Variants in CARD16 observed in about 807,000 individuals in gnomAD.
CARD16 encodes the protein caspase recruitment domain family member 16.
In CARD16, 8 loss-of-function variants were observed where a neutral mutation model predicts 11.9. That is an observed-to-expected ratio of 0.67 (90% CI 0.39 to 1.21). The LOEUF (loss-of-function observed/expected upper bound fraction) is 1.21. CARD16 is among the 50% of genes most tolerant of loss of function. The pLI, the probability that CARD16 is intolerant of heterozygous loss-of-function variation, is 0.01. For synonymous variants in CARD16, 44 were observed against 43.8 expected (o/e 1.00, Z -0.02); for missense variants, 131 against 118.1 (o/e 1.11, Z -0.51).
At chr11:105,042,815 A>G (rs1005566284) in intron 3 of CARD16, among the ~76,000 whole-genome samples, 1 of 152,214 alleles carries the variant, frequency 6.6e-6, no homozygotes, top group Admixed American at 6.5e-5. Context: ...CATTTAAGAA[A>G]ACATTCATGA....
intron 3 of CARD16, 41 bp from the exon 4 acceptor site, chr11:105,041,760 TTTG>T: frequency 6.3e-7 from 1 of 1,578,396 alleles, no homozygotes. Flanking sequence ...GGTATCCCTC[TTTG>T]TTCTTATAGC....
chr11:105,044,351 C>G (rs757750666), intron 2 of CARD16, 41 bp downstream of exon 2: 18 of 1,611,664 alleles, frequency 1.1e-5, no homozygotes, highest in Admixed American at 1.7e-5. Context: ...GGCACGAAGA[C>G]AGGCCCTAGG....
chr11:105,044,587 C>A lies in CARD16; in HGVS notation c.79G>T (p.Asp27Tyr). The A allele has an allele frequency of 6.2e-7, 1 of 1,614,154 alleles. No homozygotes were observed. Among genetic ancestry groups the A allele is most frequent in the Non-Finnish European group, 8.5e-7 (1 of 1,179,986 alleles). ...AGCACCCTTGTCTGTAATAATTCAT[C>A]CAGTAAGCCATTTATTGTACCTTCA... ...MGEGTINGLL[D>Y]ELLQTRVLNQ... The change falls in exon 2 of 4, where the codon GAT becomes TAT. Residue 27 changes from aspartate (D) to tyrosine (Y), a missense_variant. Asp to Tyr is a radical substitution (Grantham distance 160). Coordinates refer to ENST00000673097, the MANE Select transcript of CARD16 (RefSeq NM_052889.4).
intron 2 of CARD16, 140 bp downstream of exon 2, chr11:105,044,252 T>C: frequency 7.3e-7 from 1 of 1,369,768 alleles, no homozygotes; most frequent in Non-Finnish European, 1.0e-6. Flanking sequence ...GGACATGCAA[T>C]AGGGCCTCTG....
chr11:105,044,708 C>G, intron 1 of CARD16, 50 bp from the exon 2 acceptor site: 1 of 1,590,882 alleles, frequency 6.3e-7, no homozygotes, highest in Non-Finnish European at 8.6e-7. Context: ...CCTCATATTC[C>G]TCTCACGTCA....
At position 105,044,517 on chromosome 11, in the gene CARD16, A is replaced by G. The variant is rs201107738; in HGVS notation, c.149T>C (p.Val50Ala). 1.4e-5 allele frequency: 22 copies of G among 1,613,970 alleles called. No homozygotes were observed. Among genetic ancestry groups the G allele is most frequent in the Non-Finnish European group, 2.5e-6 (3 of 1,179,972 alleles). Residue 50 changes from valine to alanine, a missense_variant, in exon 2 of 4, where the codon GTT (valine) becomes GCT (alanine). Val to Ala is a moderately conservative substitution (Grantham distance 64). Transcript: ENST00000673097. The stretch of plus-strand genomic sequence containing the variant: ...AATCAAAGCTCGGGTCTTATCCATA[A>G]CTGTAGCATTTTCACGTTTTACTTT... The part of the protein sequence containing the change: ...MEKVKRENAT[V>A]MDKTRALIDS...
intron 1 of CARD16, 22 bp downstream of exon 1, chr11:105,045,269 C>A (rs1565233753): frequency 6.2e-7 from 1 of 1,613,946 alleles, no homozygotes; most frequent in Non-Finnish European, 8.5e-7. Flanking sequence ...GGGACCTGTT[C>A]TTGGAACAGT....
intron 2 of CARD16, 103 bp from the exon 3 acceptor site, chr11:105,043,648 G>A: frequency 1.3e-6 from 1 of 771,616 alleles, no homozygotes; most frequent in Non-Finnish European, 2.3e-6. Flanking sequence ...CCACAACCCT[G>A]ACTAAATGAC....
At position 105,043,553 on chromosome 11, in the gene CARD16, A is replaced by C. The variant is rs747517423; in HGVS notation, c.275-8T>G. 6.3e-7 allele frequency: 1 copy of C among 1,599,928 alleles called. No homozygotes were observed. The highest frequency in any genetic ancestry group is 1.1e-5 in the South Asian group (1 of 90,452). ...AATTTCCAGGTATCGGACCTATAAA[A>C]AGATGAAGAACATTGAAATAGCCAC... On this transcript the variant is annotated splice_polypyrimidine_tract_variant and splice_region_variant and intron_variant, in intron 2 of 3. Transcript: ENST00000673097.
chr11:105,043,352 A>G, intron 3 of CARD16, 131 bp downstream of exon 3: 1 of 509,010 alleles, frequency 2.0e-6, no homozygotes, highest in Non-Finnish European at 3.3e-6. Flanking sequence ...AACAGAATAG[A>G]TTAAAAAAGA....
At chr11:105,043,767 G>A in intron 2 of CARD16, 1 of 461,498 alleles carries the variant, frequency 2.2e-6, no homozygotes. Flanking sequence ...CAGGCCCTAG[G>A]AGGGCTGCAG....
intron 1 of CARD16, 77 bp from the exon 2 acceptor site, chr11:105,044,735 T>C (rs111607496): frequency 2.4e-5 from 37 of 1,565,036 alleles, no homozygotes; most frequent in Middle Eastern, 3.4e-4. Context: ...GAAAGTGACC[T>C]CATTTAGATT....
At chr11:105,045,208 C>T (rs926752440) in intron 1 of CARD16, 83 bp downstream of exon 1, 2 of 1,590,764 alleles carry the variant, frequency 1.3e-6, no homozygotes, top group African/African-American at 1.3e-5. Context: ...TCCACAGATA[C>T]TAATTATGGC....
intron 2 of CARD16, 52 bp from the exon 3 acceptor site, chr11:105,043,597 T>C (rs776805464): frequency 7.9e-7 from 1 of 1,266,552 alleles, no homozygotes; most frequent in Non-Finnish European, 1.2e-6. Context: ...TCTGGAAAAC[T>C]TTACAGCAAT....
At chr11:105,044,726 A>G in intron 1 of CARD16, 68 bp from the exon 2 acceptor site, 1 of 1,575,470 alleles carries the variant, frequency 6.3e-7, no homozygotes, top group South Asian at 1.1e-5. Context: ...TCATCAACAG[A>G]AAGTGACCTC....
chr11:105,042,063 A>G (rs771521946), intron 3 of CARD16, among the ~76,000 whole-genome samples: 3 of 152,216 alleles, frequency 2.0e-5, no homozygotes, highest in Non-Finnish European at 2.9e-5. Flanking sequence ...TTTTCAAAGG[A>G]TTCAAACCCT....
intron 3 of CARD16, 31 bp from the exon 4 acceptor site, chr11:105,041,750 G>A: frequency 6.2e-7 from 1 of 1,602,568 alleles, no homozygotes; most frequent in Middle Eastern, 1.7e-4. Context: ...CATGAACAGT[G>A]GTATCCCTCT....
At chr11:105,041,914 G>A (rs1380821788) in intron 3 of CARD16, among the ~76,000 whole-genome samples, 195 bp from the exon 4 acceptor site, 1 of 152,104 alleles carries the variant, frequency 6.6e-6, no homozygotes, top group Non-Finnish European at 1.5e-5. Context: ...TTACAGGGAG[G>A]ATCTACTTTC....
chr11:105,043,638 C>A (rs1317187927), intron 2 of CARD16, 93 bp from the exon 3 acceptor site: 3 of 828,154 alleles, frequency 3.6e-6, no homozygotes, highest in East Asian at 4.9e-5. Context: ...CAAATTCCTC[C>A]CACAACCCTG....
Sources: allele counts gnomAD v4.1 joint callset (sites outside exome capture counted in the v4.1 genomes callset), GRCh38; gene constraint gnomAD v4.1.1; transcripts MANE v1.5; gene names NCBI Gene and HGNC (gene_info 2026-07-23, HGNC 2026-07-21).